ZNF469: variants seen among roughly 807,000 people sequenced by gnomAD.
ZNF469 encodes zinc finger protein 469.
A neutral mutation model predicts 1.0 loss-of-function variants in ZNF469; 1 was observed. The ratio of observed to expected loss-of-function variants is 1.00; its 90% CI spans 0.35 to 4.73. ZNF469 has a LOEUF of 4.73. ZNF469 is among the 30% of genes most tolerant of loss of function. The probability of loss-of-function intolerance (pLI) is 0.16; values close to 1 mark genes in which losing one functional copy is unlikely to be tolerated. For synonymous variants in ZNF469, 2,703 were observed against 2,363.4 expected (o/e 1.14, Z -4.17); for missense variants, 6,100 against 5,356.3 (o/e 1.14, Z -4.33).
chr16:88,421,661 G>A (rs955024915), intron 1 of ZNF469, among the ~76,000 whole-genome samples: 2 of 152,234 alleles, frequency 1.3e-5, no homozygotes, highest in African/African-American at 4.8e-5. Context: ...CAGAGGCAGG[G>A]CCACCCCAGG....
the ZNF469 span, among the ~76,000 whole-genome samples, chr16:88,165,037 C>T: frequency 7.9e-5 from 12 of 152,332 alleles, no homozygotes; most frequent in South Asian, 2.1e-4. Flanking sequence ...CCCTCCATGC[C>T]GATGATCCTG....
chr16:88,167,005 T>C, the ZNF469 span, among the ~76,000 whole-genome samples: 1 of 149,838 alleles, frequency 6.7e-6, no homozygotes, highest in African/African-American at 2.4e-5. Context: ...ATCCATGCTG[T>C]GGTCTTCAGG....
chr16:88,228,145 C>T, the ZNF469 span, among the ~76,000 whole-genome samples: 1,035 of 152,364 alleles, frequency 6.8e-3, 18 homozygotes, highest in African/African-American at 0.023. Flanking sequence ...CCAAATAAAC[C>T]CATCTTCTGA....
At chr16:88,380,911 G>GACATGCACTC (rs1185680364), upstream of ZNF469, among the ~76,000 whole-genome samples, 470 of 59,132 alleles carry the variant, frequency 7.9e-3, 6 homozygotes, top group African/African-American at 0.056. Context: ...CACACTCACA[G>GACATGCACTC]ACATGCACTC....
chr16:88,423,969 G>C (rs531991100), intron 1 of ZNF469, among the ~76,000 whole-genome samples: 51 of 152,394 alleles, frequency 3.3e-4, no homozygotes, highest in African/African-American at 1.0e-3. Flanking sequence ...GAAGGGAGGA[G>C]TGTTAAAGAA....
At chr16:88,352,851 C>T in the ZNF469 span, among the ~76,000 whole-genome samples, 75 of 152,350 alleles carry the variant, frequency 4.9e-4, 2 homozygotes, top group African/African-American at 1.6e-3. Context: ...CTGCATGGGC[C>T]TGACCCCTGG....
chr16:88,229,630 A>T, the ZNF469 span, among the ~76,000 whole-genome samples: 5 of 141,420 alleles, frequency 3.5e-5, no homozygotes, highest in East Asian at 2.1e-4. Flanking sequence ...ACGCGTGTGG[A>T]TGTCACGTGT....
chr16:88,303,802 GA>G, the ZNF469 span, among the ~76,000 whole-genome samples: 93 of 152,314 alleles, frequency 6.1e-4, no homozygotes, highest in African/African-American at 2.2e-3. Context: ...TGGAGAGTGG[GA>G]ATGACAATTA....
chr16:88,173,546 G>C, the ZNF469 span, among the ~76,000 whole-genome samples: 1 of 152,074 alleles, frequency 6.6e-6, no homozygotes, highest in African/African-American at 2.4e-5. Context: ...TGGAAATTTA[G>C]AGTGACACAA....
In ZNF469 at chr16:88,438,876, C is replaced by T. The variant is rs141042464; in HGVS notation, c.11406C>T (p.His3802=). The T allele has an allele frequency of 2.7e-5, 42 of 1,550,466 alleles. No homozygotes were observed. In the East Asian group the frequency reaches 3.9e-4, roughly 14 times the overall value. The stretch of plus-strand genomic sequence containing the variant: ...GGGAAGCTGGTGAGCAGGGGCCCCA[C>T]GGGAGCCTAGGTCCCAAGGAGAAGG... ...GPREAGEQGP[H]GSLGPKEKGE... Residue 3802 remains histidine (H), a synonymous_variant, in exon 3 of 3, where the codon CAC becomes CAT. Coordinates refer to ENST00000565624, the MANE Select transcript of ZNF469 (RefSeq NM_001367624.2).
chr16:88,376,584 C>G, the ZNF469 span, among the ~76,000 whole-genome samples: 1 of 152,244 alleles, frequency 6.6e-6, no homozygotes, highest in Non-Finnish European at 1.5e-5. Context: ...CCGGTCTCCA[C>G]CGCCTCTGTT....
the ZNF469 span, among the ~76,000 whole-genome samples, chr16:88,313,722 G>T: frequency 6.6e-6 from 1 of 151,700 alleles, no homozygotes; most frequent in African/African-American, 2.4e-5. Context: ...GGCAGTGCTG[G>T]TGTGGACTGT....
the ZNF469 span, among the ~76,000 whole-genome samples, chr16:88,352,925 G>T: frequency 6.6e-6 from 1 of 152,192 alleles, no homozygotes; most frequent in African/African-American, 2.4e-5. Context: ...GGAGAGGCCT[G>T]GGAGGTGGGG....
At chr16:88,412,635 G>C (rs1456902155) in intron 1 of ZNF469, among the ~76,000 whole-genome samples, 3 of 152,162 alleles carry the variant, frequency 2.0e-5, no homozygotes, top group African/African-American at 4.8e-5. Flanking sequence ...GGGGGACAGG[G>C]AGGGCAGTCT....
chr16:88,158,842 G>A, the ZNF469 span, among the ~76,000 whole-genome samples: 22 of 152,232 alleles, frequency 1.4e-4, 1 homozygote, highest in Middle Eastern at 0.014. Context: ...AGCTCTGCAG[G>A]AAGACTCCTT....
chr16:88,401,312 A>G (rs1257626844), intron 1 of ZNF469, among the ~76,000 whole-genome samples: 3 of 152,178 alleles, frequency 2.0e-5, no homozygotes, highest in African/African-American at 4.8e-5. Flanking sequence ...GCAGTGGGGG[A>G]CAGTACGGCA....
At chr16:88,260,945 G>T in the ZNF469 span, among the ~76,000 whole-genome samples, 1 of 152,184 alleles carries the variant, frequency 6.6e-6, no homozygotes. This position sits in a 1 kb window ranked among gnomAD's most constrained non-coding sequence, Gnocchi z 4.1. Context: ...ACTCTGGTGT[G>T]ATGCAGCCAT....
At chr16:88,150,325 A>C in the ZNF469 span, among the ~76,000 whole-genome samples, 1 of 152,254 alleles carries the variant, frequency 6.6e-6, no homozygotes, top group Admixed American at 6.5e-5. Context: ...ACAAACAAAA[A>C]AACCAAACAA....
At chr16:88,277,346 C>T in the ZNF469 span, among the ~76,000 whole-genome samples, 6 of 149,176 alleles carry the variant, frequency 4.0e-5, no homozygotes, top group East Asian at 1.2e-3. Context: ...CACGCTGACG[C>T]TCAGTCAGTA....
Sources: allele counts gnomAD v4.1 joint callset (sites outside exome capture counted in the v4.1 genomes callset), GRCh38; gene constraint gnomAD v4.1.1; non-coding constraint Gnocchi (gnomAD v3.1); transcripts MANE v1.5; gene names NCBI Gene and HGNC (gene_info 2026-07-23, HGNC 2026-07-21).